The following EVI5 variants were observed in gnomAD, a reference collection of about 807,000 sequenced individuals.
EVI5 encodes ecotropic viral integration site 5.
A neutral mutation model predicts 112.0 loss-of-function variants in EVI5; 73 were observed. The observed-to-expected ratio is 0.65, with a 90% CI of 0.54 to 0.79. EVI5 has a LOEUF of 0.79. EVI5 is among the 30% of genes least tolerant of loss of function. EVI5 has a pLI of 0.00. For missense variants in EVI5, 900 were observed against 968.8 expected (o/e 0.93, Z 0.94); for synonymous variants, 305 against 319.9 (o/e 0.95, Z 0.50).
intron 9 of EVI5, among the ~76,000 whole-genome samples, chr1:92,686,829 T>TA (rs199856563): frequency 0.01 from 1,570 of 152,248 alleles, 18 homozygotes; most frequent in South Asian, 0.029. Context: ...GAATACAACT[T>TA]ACAAGGGATG....
chr1:92,624,484 C>T (rs758450874), intron 15 of EVI5, 150 bp from the exon 16 acceptor site: 22 of 648,020 alleles, frequency 3.4e-5, no homozygotes, highest in Non-Finnish European at 5.0e-5. Context: ...TAATCAGGCA[C>T]TATTATCATC....
At chr1:92,690,831 A>G (rs1669382839) in intron 9 of EVI5, among the ~76,000 whole-genome samples, 1 of 152,198 alleles carries the variant, frequency 6.6e-6, no homozygotes, top group Non-Finnish European at 1.5e-5. Flanking sequence ...GGCATCTCTA[A>G]TAACAGTGAG....
At chr1:92,662,916 A>C in intron 12 of EVI5, 51 bp from the exon 13 acceptor site, 1 of 1,080,312 alleles carries the variant, frequency 9.3e-7, no homozygotes, top group Non-Finnish European at 1.2e-6. Flanking sequence ...AGATTCAAGA[A>C]AGACTGCCTT....
At position 92,641,451 on chromosome 1, in the gene EVI5, C is replaced by CA. The variant is rs1029771255; in HGVS notation, c.1393-5116dup. Among the ~76,000 whole-genome samples, 341 of 150,794 alleles carry CA rather than the reference C, an allele frequency of 2.3e-3. 3 individuals carry two copies. Among genetic ancestry groups the CA allele is most frequent in the African/African-American group, 7.5e-3 (309 of 41,182 alleles). On this transcript the variant is annotated intron_variant, in intron 13 of 19. Transcript: ENST00000684568. ...CATAGGAAGTGGAAGTTGAATGCTGCAAAAAAAAATCTATAAAACTGATGG... is the reference window on the plus strand; with the variant it reads ...CATAGGAAGTGGAAGTTGAATGCTGCAAAAAAAAAATCTATAAAACTGATGG...
intron 19 of EVI5, among the ~76,000 whole-genome samples, chr1:92,543,185 G>T (rs949424383): frequency 3.4e-4 from 51 of 152,200 alleles, no homozygotes; most frequent in Admixed American, 1.2e-3. Context: ...AAAATCTGTT[G>T]TTTGGGGTGG....
At chr1:92,758,472 G>A (rs1681297156) in intron 1 of EVI5, among the ~76,000 whole-genome samples, 1 of 151,698 alleles carries the variant, frequency 6.6e-6, no homozygotes. Context: ...AGGAGCCTGA[G>A]GCAGGACTAT....
intron 19 of EVI5, among the ~76,000 whole-genome samples, chr1:92,533,684 C>T (rs994978771): frequency 1.3e-5 from 2 of 151,986 alleles, no homozygotes; most frequent in South Asian, 2.1e-4. Flanking sequence ...ACAAAAACCA[C>T]GTTTATCTCA....
At chr1:92,598,972 A>AT (rs1271903545) in intron 18 of EVI5, among the ~76,000 whole-genome samples, 1 of 151,886 alleles carries the variant, frequency 6.6e-6, no homozygotes, top group East Asian at 1.9e-4. Flanking sequence ...TAATTCTTAA[A>AT]TTAGACCTAA....
rs61751191 is a variant in EVI5, at chr1:92,736,547, C to T, written c.-1G>A. The T allele has an allele frequency of 8.7e-4, 1,410 of 1,613,982 alleles. 8 individuals carry two copies. Among genetic ancestry groups the T allele is most frequent in the Admixed American group, 5.5e-3 (332 of 60,012 alleles). ...ATGGACTTGCCACCTGACTGGCCAT[C>T]TGACTGACTGTATGCGATACTGTGT... On this transcript the variant is annotated 5_prime_UTR_variant, in exon 2 of 20. Transcript: ENST00000684568.
At chr1:92,561,596 T>TA (rs1557789730) in intron 19 of EVI5, among the ~76,000 whole-genome samples, 46 of 148,860 alleles carry the variant, frequency 3.1e-4, no homozygotes, top group East Asian at 9.9e-4. Flanking sequence ...TCTATCTATC[T>TA]ATCTAATCTA....
At chr1:92,527,787 A>G (rs1411679883) in intron 19 of EVI5, among the ~76,000 whole-genome samples, 1 of 152,188 alleles carries the variant, frequency 6.6e-6, no homozygotes, top group East Asian at 1.9e-4. Flanking sequence ...AGATTCACCA[A>G]TGTTGGCATA....
intron 1 of EVI5, among the ~76,000 whole-genome samples, chr1:92,771,488 T>TA (rs773957978): frequency 4.6e-5 from 7 of 152,116 alleles, no homozygotes; most frequent in Non-Finnish European, 7.4e-5. Flanking sequence ...ACCTGATCCC[T>TA]ACCTTATCCT....
chr1:92,631,383 A>T (rs1407768132), intron 14 of EVI5, among the ~76,000 whole-genome samples: 1 of 152,152 alleles, frequency 6.6e-6, no homozygotes, highest in African/African-American at 2.4e-5. Context: ...TTCTCCTTGA[A>T]GAGGTCCTTC....
intron 18 of EVI5, among the ~76,000 whole-genome samples, chr1:92,568,091 T>C (rs1174716180): frequency 1.3e-5 from 2 of 152,114 alleles, no homozygotes; most frequent in Admixed American, 6.6e-5. Context: ...AATAAATTTC[T>C]GGCTGGGCGT....
At chr1:92,707,683 T>G (rs992305022) in intron 2 of EVI5, among the ~76,000 whole-genome samples, 1 of 152,196 alleles carries the variant, frequency 6.6e-6, no homozygotes, top group African/African-American at 2.4e-5. Flanking sequence ...TCTATCAATA[T>G]TAAAAGTACA....
intron 19 of EVI5, among the ~76,000 whole-genome samples, chr1:92,523,496 C>T (rs1157597111): frequency 6.6e-6 from 1 of 151,950 alleles, no homozygotes; most frequent in Non-Finnish European, 1.5e-5. Context: ...ATTTTATCTT[C>T]AAATACGGGT....
chr1:92,757,543 A>G (rs1681131304), intron 1 of EVI5, among the ~76,000 whole-genome samples: 1 of 152,130 alleles, frequency 6.6e-6, no homozygotes, highest in Non-Finnish European at 1.5e-5. Context: ...TATTATAAAT[A>G]GTATAGGTAT....
At chr1:92,782,215 G>A (rs1273460516) in intron 1 of EVI5, among the ~76,000 whole-genome samples, 2 of 151,760 alleles carry the variant, frequency 1.3e-5, no homozygotes, top group Non-Finnish European at 2.9e-5. Flanking sequence ...CCGAGATCGC[G>A]CCACTGCACT....
intron 1 of EVI5, among the ~76,000 whole-genome samples, chr1:92,775,692 G>C (rs549123951): frequency 6.6e-6 from 1 of 152,294 alleles, no homozygotes; most frequent in African/African-American, 2.4e-5. Flanking sequence ...TCATTTCTCA[G>C]AACATATCCC....
Sources: allele counts gnomAD v4.1 joint callset (sites outside exome capture counted in the v4.1 genomes callset), GRCh38; gene constraint gnomAD v4.1.1; transcripts MANE v1.5; gene names NCBI Gene and HGNC (gene_info 2026-07-23, HGNC 2026-07-21).